SLC22A23: variants seen among roughly 807,000 people sequenced by gnomAD.
SLC22A23 encodes the protein solute carrier family 22 member 23, also known as ion transporter protein.
Under a neutral mutation model 61.0 loss-of-function variants are expected in SLC22A23, and 26 were observed. That is an observed-to-expected ratio of 0.43 (90% confidence interval 0.31 to 0.59). The LOEUF is 0.59. Ranked by LOEUF, SLC22A23 falls within the 20% of genes least tolerant of loss-of-function variation. The pLI, the probability that SLC22A23 is intolerant of heterozygous loss-of-function variation, is 0.11. For synonymous variants in SLC22A23, 430 were observed against 413.9 expected (o/e 1.04, Z -0.47); for missense variants, 796 against 934.7 (o/e 0.85, Z 1.94).
At chr6:3,421,450 T>G (rs956619470) in intron 1 of SLC22A23, among the ~76,000 whole-genome samples, 4 of 152,184 alleles carry the variant, frequency 2.6e-5, no homozygotes, top group African/African-American at 9.7e-5. Flanking sequence ...CCATTAAAAA[T>G]TTCGCTTTTG....
At chr6:3,393,286 G>A (rs1412453566) in intron 3 of SLC22A23, among the ~76,000 whole-genome samples, 3 of 152,216 alleles carry the variant, frequency 2.0e-5, no homozygotes, top group African/African-American at 7.2e-5. Flanking sequence ...TGCTGTGAAA[G>A]GGAGAAATGA....
intron 3 of SLC22A23, among the ~76,000 whole-genome samples, chr6:3,409,383 T>C (rs1182494193): frequency 1.3e-5 from 2 of 152,220 alleles, no homozygotes; most frequent in Admixed American, 6.5e-5. Flanking sequence ...TTTAAGAGAA[T>C]TAGAACTATT....
chr6:3,355,854 G>A (rs573612472), intron 3 of SLC22A23, among the ~76,000 whole-genome samples: 2 of 150,974 alleles, frequency 1.3e-5, no homozygotes, highest in South Asian at 4.3e-4. Context: ...GCATCGACAC[G>A]GAGGAGCCAC....
chr6:3,323,746 G>A (rs1763103844), intron 4 of SLC22A23, 88 bp downstream of exon 4: 1 of 1,419,106 alleles, frequency 7.0e-7, no homozygotes, highest in African/African-American at 1.4e-5. Context: ...AGTGGGAAGT[G>A]TGGGGATTGT....
At chr6:3,319,716 G>C (rs1167155392) in intron 4 of SLC22A23, among the ~76,000 whole-genome samples, 1 of 152,156 alleles carries the variant, frequency 6.6e-6, no homozygotes, top group Non-Finnish European at 1.5e-5. Context: ...CCGTGGATCT[G>C]TGACCTTTGC....
At chr6:3,446,344 G>A (rs1771894649) in intron 1 of SLC22A23, among the ~76,000 whole-genome samples, 1 of 152,164 alleles carries the variant, frequency 6.6e-6, no homozygotes, top group African/African-American at 2.4e-5. Context: ...CTGAAGGCTT[G>A]GACTAGATAA....
At chr6:3,332,076 C>G (rs886834004) in intron 3 of SLC22A23, among the ~76,000 whole-genome samples, 2 of 152,206 alleles carry the variant, frequency 1.3e-5, no homozygotes, top group African/African-American at 4.8e-5. Context: ...GCAAATGGAG[C>G]CTCACAGGCC....
In SLC22A23 at chr6:3,283,333, G is replaced by A. The variant is rs991329282; in HGVS notation, c.1703+519C>T. 6 of 174,616 alleles carry A rather than the reference G, an allele frequency of 3.4e-5. No individual in the cohort carries two copies. In the East Asian group the frequency reaches 4.9e-4, roughly 14 times the overall value. The allele number at this position is 174,616 out of a possible 1,614,324, so 10.8% of individuals were successfully genotyped here. On this transcript the variant is annotated intron_variant, in intron 9 of 9. Coordinates refer to ENST00000406686, the MANE Select transcript of SLC22A23 (RefSeq NM_015482.2). ...TATAATCCCAGCTACTCTGGAGGCT[G>A]AGGCAGGAGAATCACCTGAACTTGG...
chr6:3,449,584 A>G (rs912030779), intron 1 of SLC22A23, among the ~76,000 whole-genome samples: 2 of 152,264 alleles, frequency 1.3e-5, no homozygotes, highest in South Asian at 2.1e-4. Context: ...AACTTCCTTC[A>G]TAACAAGAGA....
rs1369711604 is a variant in SLC22A23 at position 3,328,457 on chromosome 6, G to A, written c.914-4455C>T. Among the ~76,000 whole-genome samples the A allele has an allele frequency of 1.3e-5, 2 of 152,114 alleles. No individual in the cohort carries two copies. Among genetic ancestry groups the A allele is most frequent in the Non-Finnish European group, 2.9e-5 (2 of 68,028 alleles). On this transcript the variant is annotated intron_variant, in intron 3 of 9. Transcript: ENST00000406686. The surrounding 1 kb of genome is among the most constrained non-coding windows in gnomAD (Gnocchi z 5.0). ...CGGAGGAGGAAGGCCTGAGGGAGTG[G>A]GGTGTGGGGGTTTGATGTGTCACGT... is the stretch of plus-strand genomic sequence containing the variant.
chr6:3,378,759 G>T (rs894158344), intron 3 of SLC22A23, among the ~76,000 whole-genome samples: 6 of 146,486 alleles, frequency 4.1e-5, no homozygotes, highest in Non-Finnish European at 7.4e-5. Context: ...CAGGGTTCAA[G>T]CGATTCTCTT....
At chr6:3,367,602 C>T (rs1028861773) in intron 3 of SLC22A23, among the ~76,000 whole-genome samples, 1 of 152,168 alleles carries the variant, frequency 6.6e-6, no homozygotes. Context: ...GGAAAACACT[C>T]ATGTTCCCAT....
intron 2 of SLC22A23, among the ~76,000 whole-genome samples, chr6:3,413,998 C>CT (rs1482123504): frequency 6.6e-5 from 10 of 152,330 alleles, no homozygotes; most frequent in African/African-American, 2.2e-4. Context: ...TCTGGTTACT[C>CT]TAAGAGCAAG....
At position 3,398,162 on chromosome 6, in the gene SLC22A23, T is replaced by C. The variant is rs79335511; in HGVS notation, c.913+12026A>G. ...TATTAAACTGATGCCAAGGAAGAAATAGTGAAAAACTCTAAGCCCCACAGG... is the reference window on the plus strand; with the variant it reads ...TATTAAACTGATGCCAAGGAAGAAACAGTGAAAAACTCTAAGCCCCACAGG... On this transcript the variant is annotated intron_variant, in intron 3 of 9. Coordinates refer to ENST00000406686, the MANE Select transcript of SLC22A23 (RefSeq NM_015482.2). Among the ~76,000 whole-genome samples, 145 of 152,284 alleles carry C rather than the reference T, an allele frequency of 9.5e-4. 3 individuals carry two copies. The highest frequency in any genetic ancestry group is 5.6e-3 in the East Asian group (29 of 5,184).
chr6:3,349,942 C>T (rs879293235), intron 3 of SLC22A23, among the ~76,000 whole-genome samples: 1 of 152,228 alleles, frequency 6.6e-6, no homozygotes, highest in Non-Finnish European at 1.5e-5. Flanking sequence ...CAGATGATCA[C>T]GGTCGCCTTC....
intron 3 of SLC22A23, among the ~76,000 whole-genome samples, chr6:3,355,807 T>C (rs1765034758): frequency 6.6e-6 from 1 of 150,984 alleles, no homozygotes; most frequent in Non-Finnish European, 1.5e-5. Flanking sequence ...ACCCCAGCTC[T>C]CAAAGCCGGC....
At chr6:3,429,468 G>A (rs1348198089) in intron 1 of SLC22A23, among the ~76,000 whole-genome samples, 1 of 145,256 alleles carries the variant, frequency 6.9e-6, no homozygotes, top group Non-Finnish European at 1.5e-5. Flanking sequence ...AAGGACAGTT[G>A]CTCCATTAGC....
At chr6:3,385,375 G>C (rs1054280062) in intron 3 of SLC22A23, among the ~76,000 whole-genome samples, 3 of 152,122 alleles carry the variant, frequency 2.0e-5, no homozygotes, top group Non-Finnish European at 1.5e-5. Context: ...AATTAGCCGG[G>C]TGCGGTGGCC....
chr6:3,350,568 G>T (rs1262599566), intron 3 of SLC22A23, among the ~76,000 whole-genome samples: 1 of 152,178 alleles, frequency 6.6e-6, no homozygotes, highest in Non-Finnish European at 1.5e-5. Context: ...CGTATGGCCT[G>T]CACAGCCCAG....
Sources: gnomAD v4.1 joint callset for allele counts (sites outside exome capture counted in the v4.1 genomes callset) on GRCh38, gnomAD v4.1.1 for gene constraint, Gnocchi (gnomAD v3.1) non-coding constraint, MANE v1.5 for transcripts, NCBI Gene and HGNC (gene_info 2026-07-23, HGNC 2026-07-21) for gene names.